Variants in ZNF827 observed in about 807,000 individuals in gnomAD.
ZNF827 encodes zinc finger protein 827.
ZNF827 carries 13 observed loss-of-function variants against 102.4 expected under a neutral mutation model. The ratio of observed to expected loss-of-function variants is 0.13; its 90% CI spans 0.08 to 0.20. The LOEUF is 0.20. ZNF827 is among the 10% of genes least tolerant of loss of function. The pLI is 1.00. For synonymous variants in ZNF827, 523 were observed against 536.2 expected (o/e 0.98, Z 0.34); for missense variants, 1,103 against 1,344.4 (o/e 0.82, Z 2.81).
intron 8 of ZNF827, among the ~76,000 whole-genome samples, chr4:145,784,762 C>T (rs527866211): frequency 6.6e-6 from 1 of 152,262 alleles, no homozygotes; most frequent in Admixed American, 6.5e-5. Context: ...TTCCCACATC[C>T]CTTAGCATTT....
chr4:145,926,447 T>C (rs1753429502), intron 1 of ZNF827, among the ~76,000 whole-genome samples: 1 of 152,234 alleles, frequency 6.6e-6, no homozygotes, highest in Non-Finnish European at 1.5e-5. Flanking sequence ...GTGCAACCAA[T>C]CTGGGATTCA....
At chr4:145,804,349 G>GA (rs1382838787) in intron 8 of ZNF827, among the ~76,000 whole-genome samples, 1 of 152,144 alleles carries the variant, frequency 6.6e-6, no homozygotes, top group Non-Finnish European at 1.5e-5. Flanking sequence ...TTTTTTCACT[G>GA]AAACATATTA....
At chr4:145,880,716 G>A (rs1749587682) in intron 4 of ZNF827, among the ~76,000 whole-genome samples, 1 of 152,192 alleles carries the variant, frequency 6.6e-6, no homozygotes, top group South Asian at 2.1e-4. Flanking sequence ...TTTTAGTCAC[G>A]TGATTAGTGA....
At chr4:145,838,913 C>T (rs995754076) in intron 7 of ZNF827, among the ~76,000 whole-genome samples, 2 of 152,112 alleles carry the variant, frequency 1.3e-5, no homozygotes, top group Non-Finnish European at 2.9e-5. Flanking sequence ...TGAAAAGACT[C>T]GGTCTTTTAA....
At chr4:145,870,757 T>C (rs1044212897) in intron 4 of ZNF827, 4 of 328,790 alleles carry the variant, frequency 1.2e-5, no homozygotes, top group African/African-American at 4.1e-5. Context: ...TTGGTTTCCC[T>C]AGAAGTCTTG....
rs1302553516 is a variant in ZNF827, at chr4:145,763,533, C to A, written c.3231-411G>T. 6.6e-6 allele frequency among the ~76,000 whole-genome samples: 1 copy of A among 152,192 alleles called. No individual in the cohort carries two copies. Among genetic ancestry groups the A allele is most frequent in the African/African-American group, 2.4e-5 (1 of 41,442 alleles). ...CTGTACCAGCAAAAGCATCAGAATT[C>A]ACTGTGCATTCTCCCCAATGGCTTC... On this transcript the variant is annotated intron_variant, in intron 13 of 14. Transcript: ENST00000508784. The surrounding 1 kb of genome is among the most constrained non-coding windows in gnomAD (Gnocchi z 4.6).
At chr4:145,894,410 T>G (rs575525207) in intron 2 of ZNF827, among the ~76,000 whole-genome samples, 16 of 152,338 alleles carry the variant, frequency 1.1e-4, no homozygotes, top group African/African-American at 3.8e-4. Flanking sequence ...TTTGAATTTT[T>G]TAATGTACAC....
At position 145,761,140 on chromosome 4, in the gene ZNF827, G is replaced by T. The variant is rs986118075; in HGVS notation, c.*476C>A. The stretch of plus-strand genomic sequence containing the variant: ...CAGGAGCGGGGCCCCCGGGCCGGCC[G>T]GTTCCTTGGGGGCTGGACACAGGCC... On this transcript the variant is annotated 3_prime_UTR_variant, in exon 15 of 15. Coordinates refer to ENST00000508784, the MANE Select transcript of ZNF827 (RefSeq NM_001306215.2). The surrounding 1 kb of genome is among the most constrained non-coding windows in gnomAD (Gnocchi z 6.8). 12 of 1,289,746 alleles carry T rather than the reference G, an allele frequency of 9.3e-6. No individual in the cohort carries two copies. Among genetic ancestry groups the T allele is most frequent in the Non-Finnish European group, 1.2e-5 (12 of 988,802 alleles). 79.9% of individuals were successfully genotyped at this position (1,289,746 alleles called of 1,614,324 possible). A position where few individuals can be genotyped will look rare whatever the true frequency, so the allele number is the denominator to read the frequency against.
rs773362843 is a variant in ZNF827 at position 145,765,129 on chromosome 4, G to A, written c.3089C>T (p.Thr1030Met). The part of the protein sequence containing the change: ...ECVFCNFVCK[T>M]KNMFERHLQI... Reference sequence around the variant, plus strand: ...CAGATGACGCTCAAACATGTTCTTCGTCTTGCAGACAAAGTTGCAAAAAAC... The same window carrying A: ...CAGATGACGCTCAAACATGTTCTTCATCTTGCAGACAAAGTTGCAAAAAAC... The change falls in exon 13 of 15, where the codon ACG (threonine) becomes ATG (methionine). Residue 1030 changes from threonine (T) to methionine (M), a missense_variant. By Grantham distance (81) the Thr-to-Met change is moderately conservative. Coordinates refer to ENST00000508784, the MANE Select transcript of ZNF827 (RefSeq NM_001306215.2). The surrounding 1 kb of genome is among the most constrained non-coding windows in gnomAD (Gnocchi z 4.7). The A allele has an allele frequency of 2.5e-6, 4 of 1,613,496 alleles. No individual in the cohort carries two copies. The highest frequency in any genetic ancestry group is 1.7e-6 in the Non-Finnish European group (2 of 1,179,760).
chr4:145,805,038 G>A (rs1161971732), intron 8 of ZNF827, among the ~76,000 whole-genome samples: 1 of 152,070 alleles, frequency 6.6e-6, no homozygotes, highest in Non-Finnish European at 1.5e-5. Context: ...TGTTTTGTAT[G>A]CATCTGTTAG....
chr4:145,852,482 G>T (rs1746630327), intron 5 of ZNF827, among the ~76,000 whole-genome samples: 1 of 152,154 alleles, frequency 6.6e-6, no homozygotes, highest in Non-Finnish European at 1.5e-5. Context: ...CTCAGGGAGA[G>T]GAGTTTTCAA....
intron 6 of ZNF827, among the ~76,000 whole-genome samples, chr4:145,848,010 G>A (rs911087461): frequency 3.3e-5 from 5 of 152,182 alleles, no homozygotes; most frequent in Admixed American, 6.5e-5. Flanking sequence ...CAGTGACAGC[G>A]CCAGGGTGAG....
Position 145,761,640 on chromosome 4 carries a change from T to C in ZNF827, c.*18-42A>G. ...CGCAAGGGAGGTTCAGCCGGGAAGG[T>C]TCGGAGGCAGCCGCGCTTCTCGCCG... On this transcript the variant is annotated intron_variant, in intron 14 of 14. Coordinates refer to ENST00000508784, the MANE Select transcript of ZNF827 (RefSeq NM_001306215.2). This position sits in a 1 kb window ranked among gnomAD's most constrained non-coding sequence, Gnocchi z 6.8. The C allele has an allele frequency of 8.5e-7, 1 of 1,174,216 alleles. No individual in the cohort carries two copies. Among genetic ancestry groups the C allele is most frequent in the Non-Finnish European group, 1.1e-6 (1 of 906,788 alleles). 72.7% of individuals were successfully genotyped at this position (1,174,216 alleles called of 1,614,324 possible).
chr4:145,850,002 C>T (rs1746371285), intron 5 of ZNF827, among the ~76,000 whole-genome samples: 1 of 151,878 alleles, frequency 6.6e-6, no homozygotes. Context: ...TTATGGTTTT[C>T]TCCCTCTATT....
At chr4:145,767,438 G>C (rs1299720206) in intron 11 of ZNF827, among the ~76,000 whole-genome samples, 1 of 152,132 alleles carries the variant, frequency 6.6e-6, no homozygotes, top group Non-Finnish European at 1.5e-5. Flanking sequence ...CTGGTGGGGT[G>C]GGGAGGGTGG....
intron 8 of ZNF827, among the ~76,000 whole-genome samples, chr4:145,817,851 A>C (rs142987227): frequency 6.6e-6 from 1 of 152,136 alleles, no homozygotes; most frequent in Non-Finnish European, 1.5e-5. Context: ...GATCATCACT[A>C]AACTCAGCAA....
At chr4:145,840,455 A>G (rs1280919447) in intron 7 of ZNF827, among the ~76,000 whole-genome samples, 3 of 152,260 alleles carry the variant, frequency 2.0e-5, no homozygotes, top group African/African-American at 7.2e-5. Context: ...CCAAAAAGAA[A>G]TGAATGTCCT....
rs1753286730 is a variant in ZNF827 at position 145,924,496 on chromosome 4, G to A, written c.43+13869C>T. On this transcript the variant is annotated intron_variant, in intron 1 of 14. Transcript: ENST00000508784. ...GAGGAACCAAAGAGGTAAGGGAGGG[G>A]TAAGAGGGGAGGGCAAGCCCTGGCT... is the stretch of plus-strand genomic sequence containing the variant. Among the ~76,000 whole-genome samples, 4 of 152,192 alleles carry A rather than the reference G, an allele frequency of 2.6e-5. No homozygotes were observed. The South Asian group carries it at 8.3e-4, about 32-fold the overall frequency.
At chr4:145,933,774 G>T (rs1161980458) in intron 1 of ZNF827, among the ~76,000 whole-genome samples, 1 of 141,958 alleles carries the variant, frequency 7.0e-6, no homozygotes. Flanking sequence ...AGAAATAAGT[G>T]ATCACCAATG....
Sources: allele counts gnomAD v4.1 joint callset (sites outside exome capture counted in the v4.1 genomes callset), GRCh38; gene constraint gnomAD v4.1.1; non-coding constraint Gnocchi (gnomAD v3.1); transcripts MANE v1.5; gene names NCBI Gene and HGNC (gene_info 2026-07-23, HGNC 2026-07-21).